PLEKHH2: variants seen among roughly 807,000 people sequenced by gnomAD.
PLEKHH2 encodes the protein pleckstrin homology, MyTH4 and FERM domain containing H2.
A neutral mutation model predicts 187.9 loss-of-function variants in PLEKHH2; 129 were observed. The ratio of observed to expected loss-of-function variants is 0.69; its 90% CI spans 0.59 to 0.79. PLEKHH2 has a LOEUF of 0.79. Among genes scored for constraint, PLEKHH2 ranks in the 30% least tolerant of loss-of-function variants. The probability of loss-of-function intolerance (pLI) is 0.00; values close to 1 mark genes in which losing one functional copy is unlikely to be tolerated. For missense variants in PLEKHH2, 2,076 were observed against 1,751.2 expected (o/e 1.19, Z -3.31); for synonymous variants, 686 against 605.6 (o/e 1.13, Z -1.95).
At chr2:43,666,687 C>T (rs1296159720) in intron 2 of PLEKHH2, among the ~76,000 whole-genome samples, 1 of 152,154 alleles carries the variant, frequency 6.6e-6, no homozygotes, top group African/African-American at 2.4e-5. Flanking sequence ...TTCTAATTTG[C>T]ATGTCTCTAA....
intron 2 of PLEKHH2, among the ~76,000 whole-genome samples, chr2:43,656,797 C>T (rs1666791104): frequency 6.6e-6 from 1 of 152,184 alleles, no homozygotes; most frequent in African/African-American, 2.4e-5. Context: ...GCGGGTGGAT[C>T]ACCTGAAGCT....
intron 15 of PLEKHH2, among the ~76,000 whole-genome samples, chr2:43,715,430 C>A (rs1042697101): frequency 1.3e-5 from 2 of 152,114 alleles, no homozygotes; most frequent in Non-Finnish European, 2.9e-5. Flanking sequence ...ATATTTGAAA[C>A]CCTGCAGGGT....
At chr2:43,714,678 A>G (rs371857787) in intron 15 of PLEKHH2, among the ~76,000 whole-genome samples, 1 of 152,176 alleles carries the variant, frequency 6.6e-6, no homozygotes, top group African/African-American at 2.4e-5. Context: ...AACATTTTCT[A>G]TATAAAAATT....
rs1572663703 is a variant in PLEKHH2, at chr2:43,753,617, A to G, written c.3654-2A>G. 1.4e-6 allele frequency: 2 copies of G among 1,444,798 alleles called. No homozygotes were observed. Among genetic ancestry groups the G allele is most frequent in the Non-Finnish European group, 1.8e-6 (2 of 1,092,782 alleles). 89.5% of individuals were successfully genotyped at this position (1,444,798 alleles called of 1,614,324 possible). On this transcript the variant is annotated splice_acceptor_variant, in intron 24 of 29. Transcript: ENST00000282406. LOFTEE classifies it high-confidence loss of function. ...TGAGAAATTTACTCTTTTTTTTTAC[A>G]GACTATATTTCTCAGTGCAAGCTCG...
At chr2:43,658,537 G>A (rs7571359) in intron 2 of PLEKHH2, 60,056 of 152,108 alleles carry the variant, frequency 0.39, 12,265 homozygotes, top group Non-Finnish European at 0.43. Context: ...GGCCTGGGAT[G>A]TAGTAATCTG....
chr2:43,713,566 CTTAT>C (rs1308495869), intron 15 of PLEKHH2, among the ~76,000 whole-genome samples: 2 of 151,350 alleles, frequency 1.3e-5, no homozygotes, highest in Non-Finnish European at 2.9e-5. Flanking sequence ...ATTATTATAC[CTTAT>C]TTGTTGTAAG....
rs569980982 is a variant in PLEKHH2, at chr2:43,689,844, A to T, written c.187-2670A>T. ...TAACAACTTCCAAATTGAATGTGTTATTCAGGGTAAAAGAGTAGTTCCAAA... is the reference window on the plus strand; with the variant it reads ...TAACAACTTCCAAATTGAATGTGTTTTTCAGGGTAAAAGAGTAGTTCCAAA... On this transcript the variant is annotated intron_variant, in intron 3 of 29. Coordinates refer to ENST00000282406, the MANE Select transcript of PLEKHH2 (RefSeq NM_172069.4). 3.3e-5 allele frequency among the ~76,000 whole-genome samples: 5 copies of T among 152,344 alleles called. No individual in the cohort carries two copies. The South Asian group carries it at 1.0e-3, about 32-fold the overall frequency.
At chr2:43,675,461 A>G in intron 2 of PLEKHH2, 1 of 1,614,008 alleles carries the variant, frequency 6.2e-7, no homozygotes, top group East Asian at 2.2e-5. Context: ...TACAGGCCAT[A>G]CATCATTACT....
chr2:43,656,403 C>G (rs963696180), intron 2 of PLEKHH2, among the ~76,000 whole-genome samples: 3 of 152,106 alleles, frequency 2.0e-5, no homozygotes, highest in African/African-American at 7.2e-5. Flanking sequence ...ATTCTTGAAG[C>G]TGAGACACTG....
rs1356002717 is a variant in PLEKHH2, at chr2:43,710,211, A to C, written c.2104-9A>C. On this transcript the variant is annotated splice_polypyrimidine_tract_variant and intron_variant, in intron 12 of 29. Coordinates refer to ENST00000282406, the MANE Select transcript of PLEKHH2 (RefSeq NM_172069.4). ...CTGAAAATGCTTTTGTCTATCTTTT[A>C]AAAATTAGGAACCACTGGAAAAATC... 6.2e-7 allele frequency: 1 copy of C among 1,612,770 alleles called. No individual in the cohort carries two copies. The highest frequency in any genetic ancestry group is 8.5e-7 in the Non-Finnish European group (1 of 1,179,228).
chr2:43,720,632 T>C, intron 15 of PLEKHH2, 37 bp from the exon 16 acceptor site: 2 of 1,602,694 alleles, frequency 1.2e-6, no homozygotes, highest in Non-Finnish European at 1.7e-6. Context: ...GTCAGAGTTC[T>C]GGGCTAAACT....
intron 24 of PLEKHH2, among the ~76,000 whole-genome samples, chr2:43,747,929 A>G (rs929317721): frequency 4.6e-5 from 7 of 152,244 alleles, no homozygotes; most frequent in Admixed American, 3.3e-4. Context: ...AAATATGCAG[A>G]TAAGTGGGCA....
chr2:43,704,586 C>G (rs1441773184), intron 9 of PLEKHH2, among the ~76,000 whole-genome samples: 1 of 143,726 alleles, frequency 7.0e-6, no homozygotes, highest in African/African-American at 2.6e-5. Context: ...TGGCGTGAAC[C>G]GAGGAGGTGG....
intron 3 of PLEKHH2, chr2:43,681,551 C>A (rs942951555): frequency 4.7e-6 from 6 of 1,285,002 alleles, no homozygotes; most frequent in Non-Finnish European, 5.5e-6. Context: ...CAGAAAGACT[C>A]ACTTCTGTGG....
chr2:43,704,519 C>T (rs754266110), intron 9 of PLEKHH2, among the ~76,000 whole-genome samples: 2 of 151,880 alleles, frequency 1.3e-5, no homozygotes, highest in East Asian at 1.9e-4. Context: ...AAAAATTAGC[C>T]GGGCGTGGTG....
At chr2:43,674,416 G>C (rs1179222350) in intron 2 of PLEKHH2, among the ~76,000 whole-genome samples, 2 of 152,170 alleles carry the variant, frequency 1.3e-5, no homozygotes, top group African/African-American at 4.8e-5. Context: ...TGTGGTATTG[G>C]CATGTGTTTG....
intron 24 of PLEKHH2, among the ~76,000 whole-genome samples, chr2:43,748,857 A>G (rs1347097015): frequency 6.6e-6 from 1 of 152,160 alleles, no homozygotes; most frequent in Non-Finnish European, 1.5e-5. Flanking sequence ...CCCAGGTTCA[A>G]GCGATTTTCC....
chr2:43,685,690 C>G (rs927477802), intron 3 of PLEKHH2, among the ~76,000 whole-genome samples: 2 of 151,566 alleles, frequency 1.3e-5, no homozygotes, highest in Non-Finnish European at 2.9e-5. Flanking sequence ...AATCCTCCAG[C>G]CTCAGCCTTC....
At chr2:43,671,579 T>C (rs1335060831) in intron 2 of PLEKHH2, among the ~76,000 whole-genome samples, 1 of 152,212 alleles carries the variant, frequency 6.6e-6, no homozygotes, top group South Asian at 2.1e-4. Flanking sequence ...TTGAGTATGA[T>C]GTTAGTTATA....
Sources: gnomAD v4.1 joint callset for allele counts (sites outside exome capture counted in the v4.1 genomes callset) on GRCh38, gnomAD v4.1.1 for gene constraint, MANE v1.5 for transcripts, NCBI Gene and HGNC (gene_info 2026-07-23, HGNC 2026-07-21) for gene names.